SS18L1: variants seen among roughly 807,000 people sequenced by gnomAD.
SS18L1 encodes the protein calcium-responsive transactivator.
A neutral mutation model predicts 70.3 loss-of-function variants in SS18L1; 32 were observed. The ratio of observed to expected loss-of-function variants is 0.46; its 90% CI spans 0.34 to 0.61. SS18L1 has a LOEUF of 0.61. Among genes scored for constraint, SS18L1 ranks in the 20% least tolerant of loss-of-function variants. The pLI is 0.01. For synonymous variants in SS18L1, 237 were observed against 229.7 expected (o/e 1.03, Z -0.29); for missense variants, 430 against 542.1 (o/e 0.79, Z 2.05).
chr20:62,181,914 T>C lies in SS18L1; in HGVS notation c.*2706T>C, dbSNP rs1482256589. 4.4e-6 allele frequency: 1 copy of C among 228,540 alleles called. No individual in the cohort carries two copies. The highest frequency in any genetic ancestry group is 8.7e-6 in the Non-Finnish European group (1 of 115,292). 14.2% of individuals were successfully genotyped at this position (228,540 alleles called of 1,614,324 possible). On this transcript the variant is annotated 3_prime_UTR_variant, in exon 11 of 11. Coordinates refer to ENST00000331758, the MANE Select transcript of SS18L1 (RefSeq NM_198935.3). ...CATGAAAATTGACGCTCATTCTTCTTCCTATTGTTCCCTGACATCCAGCAA... is the reference window on the plus strand; with the variant it reads ...CATGAAAATTGACGCTCATTCTTCTCCCTATTGTTCCCTGACATCCAGCAA...
At chr20:62,150,624 T>C (rs2057109943) in intron 1 of SS18L1, among the ~76,000 whole-genome samples, 1 of 138,546 alleles carries the variant, frequency 7.2e-6, no homozygotes, top group African/African-American at 2.6e-5. Flanking sequence ...ATAAGAAACA[T>C]TGAGGTGGAT....
chr20:62,160,077 A>G, intron 3 of SS18L1, 116 bp downstream of exon 3: 1 of 1,046,628 alleles, frequency 9.6e-7, no homozygotes, highest in Non-Finnish European at 1.4e-6. Context: ...GAAACCAAAA[A>G]TACCACTAGA....
At chr20:62,162,307 CT>C (rs200117060) in intron 4 of SS18L1, among the ~76,000 whole-genome samples, 8 of 148,872 alleles carry the variant, frequency 5.4e-5, no homozygotes, top group Admixed American at 1.3e-4. Context: ...GTTTTCTTTT[CT>C]TTTTTTTTTG....
At position 62,182,499 on chromosome 20, in the gene SS18L1, G is replaced by A; in HGVS notation, c.*3291G>A. 5.4e-6 allele frequency: 1 copy of A among 185,470 alleles called. No homozygotes were observed. The highest frequency in any genetic ancestry group is 8.9e-5 in the East Asian group (1 of 11,236). 11.5% of individuals were successfully genotyped at this position (185,470 alleles called of 1,614,324 possible). A position where few individuals can be genotyped will look rare whatever the true frequency, so the allele number is the denominator to read the frequency against. ...CTTCAAAAATCATCCTATAAAGTGA[G>A]TTTTCATGAAGTTAACGGGATTTTG... On this transcript the variant is annotated 3_prime_UTR_variant, in exon 11 of 11. Coordinates refer to ENST00000331758, the MANE Select transcript of SS18L1 (RefSeq NM_198935.3).
intron 8 of SS18L1, among the ~76,000 whole-genome samples, chr20:62,168,917 G>A (rs752958756): frequency 6.6e-6 from 1 of 152,210 alleles, no homozygotes; most frequent in Non-Finnish European, 1.5e-5. Flanking sequence ...TCAGGAGCCT[G>A]CAGAATCTGA....
In SS18L1 at chr20:62,158,770, G is replaced by C. The variant is rs769610968; in HGVS notation, c.146+22G>C. On this transcript the variant is annotated intron_variant, in intron 2 of 10. Coordinates refer to ENST00000331758, the MANE Select transcript of SS18L1 (RefSeq NM_198935.3). This position sits in a 1 kb window ranked among gnomAD's most constrained non-coding sequence, Gnocchi z 4.5. ...CGCAGTGAGTGCCCGCCATACACCG[G>C]AACACTTGGAGGGTGTCATGCAGAG... 6 of 1,612,982 alleles carry C rather than the reference G, an allele frequency of 3.7e-6. No homozygotes were observed. In the Admixed American group the frequency reaches 6.7e-5, roughly 18 times the overall value.
chr20:62,173,895 TCCCAGCTACTTGG>T (rs2057574463), intron 9 of SS18L1, among the ~76,000 whole-genome samples: 1 of 151,778 alleles, frequency 6.6e-6, no homozygotes, highest in African/African-American at 2.4e-5. Flanking sequence ...ACTCCTGTGG[TCCCAGCTACTTGG>T]GAGGCTGAGG....
Position 62,179,475 on chromosome 20 carries a change from C to T in SS18L1, c.*267C>T. 1 of 524,172 alleles carries T rather than the reference C, an allele frequency of 1.9e-6. No individual in the cohort carries two copies. The highest frequency in any genetic ancestry group is 3.2e-5 in the East Asian group (1 of 31,732). 32.5% of individuals were successfully genotyped at this position (524,172 alleles called of 1,614,324 possible). ...GAGGTATCCTTTTTTTGTCCCCCGC[C>T]CCCTTCTCAATGTTTCTAGCTAGCT... On this transcript the variant is annotated 3_prime_UTR_variant, in exon 11 of 11. Transcript: ENST00000331758.
Position 62,161,100 on chromosome 20 carries a change from G to A in SS18L1, c.232-336G>A, listed in dbSNP as rs1010289643. On this transcript the variant is annotated intron_variant, in intron 3 of 10. Transcript: ENST00000331758. This position sits in a 1 kb window ranked among gnomAD's most constrained non-coding sequence, Gnocchi z 4.4. ...ACAGAGGCGCTGGTCACCTGCGCCC[G>A]AGGGGGACGGGGTGCGTTCAGCCTG... 5.9e-5 allele frequency among the ~76,000 whole-genome samples: 9 copies of A among 151,818 alleles called. No homozygotes were observed. The highest frequency in any genetic ancestry group is 1.2e-4 in the Non-Finnish European group (8 of 67,974).
intron 9 of SS18L1, among the ~76,000 whole-genome samples, chr20:62,173,833 T>C (rs573287264): frequency 3.3e-5 from 5 of 151,580 alleles, no homozygotes; most frequent in East Asian, 2.0e-4. Context: ...CTGGATGACA[T>C]AGTGAGACCA....
rs1427630884 is a variant in SS18L1 at position 62,180,879 on chromosome 20, G to A, written c.*1671G>A. The A allele has an allele frequency of 5.9e-6, 1 of 170,212 alleles. No homozygotes were observed. Among genetic ancestry groups the A allele is most frequent in the Non-Finnish European group, 1.3e-5 (1 of 78,442 alleles). 10.5% of individuals were successfully genotyped at this position (170,212 alleles called of 1,614,324 possible). On this transcript the variant is annotated 3_prime_UTR_variant, in exon 11 of 11. Transcript: ENST00000331758. ...CATTGCACCCGAGCCTAGGCAACAA[G>A]AGTGAAATTCCGTCTCAAAAAAATA...
At position 62,143,828 on chromosome 20, in the gene SS18L1, T is replaced by C; in HGVS notation, c.8T>C (p.Val3Ala). The stretch of plus-strand genomic sequence containing the variant: ...GAGCCCCGCGCCGCCACCATGTCCG[T>C]GGCCTTCGCGTCTGCCCGGCCAAGA... MS[V>A]AFASARPRGK... The change falls in exon 1 of 11, where the codon GTG (valine) becomes GCG (alanine). Residue 3 changes from valine to alanine, a missense_variant. Val to Ala is a moderately conservative substitution (Grantham distance 64). Transcript: ENST00000331758. The C allele has an allele frequency of 7.5e-7, 1 of 1,338,558 alleles. No homozygotes were observed. The highest frequency in any genetic ancestry group is 4.2e-5 in the East Asian group (1 of 23,830). The allele number at this position is 1,338,558 out of a possible 1,614,324, so 82.9% of individuals were successfully genotyped here.
At chr20:62,154,239 G>A in intron 1 of SS18L1, 1 of 827,678 alleles carries the variant, frequency 1.2e-6, no homozygotes, top group Non-Finnish European at 1.5e-6. Flanking sequence ...TGTCTGTTGA[G>A]AACCACTTGT....
Position 62,158,856 on chromosome 20 carries a change from C to T in SS18L1, c.146+108C>T, listed in dbSNP as rs972274698. On this transcript the variant is annotated intron_variant, in intron 2 of 10. Transcript: ENST00000331758. The surrounding 1 kb of genome is among the most constrained non-coding windows in gnomAD (Gnocchi z 4.5). ...CCCAGCACAGAGATCAGATAAGTCC[C>T]AGGAGTCCCCAGCACGGAGGCCAGA... The T allele has an allele frequency of 6.2e-7, 1 of 1,609,544 alleles. No homozygotes were observed. Among genetic ancestry groups the T allele is most frequent in the Admixed American group, 1.7e-5 (1 of 59,910 alleles).
intron 3 of SS18L1, among the ~76,000 whole-genome samples, chr20:62,160,631 T>G (rs1212193166): frequency 6.6e-6 from 1 of 152,236 alleles, no homozygotes; most frequent in Non-Finnish European, 1.5e-5. Context: ...GTCGTGCTGC[T>G]GCAGCCTCTG....
chr20:62,144,069 G>A (rs1269628970), intron 1 of SS18L1, among the ~76,000 whole-genome samples, 180 bp downstream of exon 1: 1 of 149,158 alleles, frequency 6.7e-6, no homozygotes, highest in African/African-American at 2.4e-5. Flanking sequence ...GCGCCGGCGG[G>A]CACCCGGCCG....
chr20:62,163,372 C>A, intron 5 of SS18L1, 86 bp from the exon 6 acceptor site: 1 of 1,578,778 alleles, frequency 6.3e-7, no homozygotes, highest in Non-Finnish European at 8.6e-7. Flanking sequence ...AACGAGGAAC[C>A]CGCCCGGGCG....
intron 10 of SS18L1, among the ~76,000 whole-genome samples, chr20:62,178,123 CACA>C (rs1299023824): frequency 6.7e-6 from 1 of 149,154 alleles, no homozygotes; most frequent in Non-Finnish European, 1.5e-5. Flanking sequence ...GGGCATGCGC[CACA>C]ACATGTGGCT....
intron 10 of SS18L1, 138 bp from the exon 11 acceptor site, chr20:62,179,044 T>C (rs1365120427): frequency 2.3e-6 from 2 of 876,764 alleles, no homozygotes; most frequent in African/African-American, 3.4e-5. Context: ...GGAAAGTCGT[T>C]CGCTGCCCCG....
Sources: gnomAD v4.1 joint callset for allele counts (sites outside exome capture counted in the v4.1 genomes callset) on GRCh38, gnomAD v4.1.1 for gene constraint, Gnocchi (gnomAD v3.1) non-coding constraint, MANE v1.5 for transcripts, NCBI Gene and HGNC (gene_info 2026-07-23, HGNC 2026-07-21) for gene names.